The following GRIK4 variants were observed in gnomAD, a reference collection of about 807,000 sequenced individuals.
GRIK4 encodes glutamate ionotropic receptor kainate type subunit 4.
GRIK4 carries 40 observed loss-of-function variants against 104.9 expected under a neutral mutation model. The observed-to-expected ratio is 0.38, with a 90% confidence interval of 0.30 to 0.50. GRIK4 has a LOEUF of 0.50. Ranked by LOEUF, GRIK4 falls within the 20% of genes least tolerant of loss-of-function variation. The probability of loss-of-function intolerance (pLI) is 0.93; values close to 1 mark genes in which losing one functional copy is unlikely to be tolerated. For missense variants in GRIK4, 1,047 were observed against 1,308.1 expected (o/e 0.80, Z 3.08); for synonymous variants, 485 against 524.9 (o/e 0.92, Z 1.04).
At chr11:120,514,294 A>G (rs1286171471) in intron 1 of GRIK4, among the ~76,000 whole-genome samples, 1 of 152,074 alleles carries the variant, frequency 6.6e-6, no homozygotes, top group Non-Finnish European at 1.5e-5. Flanking sequence ...CAGAACAATT[A>G]CTTCATTTGA....
chr11:120,552,385 C>G (rs1174249523), intron 1 of GRIK4, among the ~76,000 whole-genome samples: 6 of 152,132 alleles, frequency 3.9e-5, no homozygotes. Flanking sequence ...AGAGGAAAAA[C>G]AATTTGAGGG....
chr11:120,648,322 C>G (rs1488199279), intron 1 of GRIK4, among the ~76,000 whole-genome samples: 1 of 152,204 alleles, frequency 6.6e-6, no homozygotes, highest in Non-Finnish European at 1.5e-5. Context: ...TGCAGATGCC[C>G]AGGGCAGCCT....
Position 120,938,838 on chromosome 11 carries a change from C to G in GRIK4, c.1477-1509C>G, listed in dbSNP as rs560731208. ...GTATAAGTTAGAATCATCAGGGCAG[C>G]TTTTTACAAATATAGATTCCTGCGT... On this transcript the variant is annotated intron_variant, in intron 13 of 20. Transcript: ENST00000527524. 7.6e-4 allele frequency among the ~76,000 whole-genome samples: 116 copies of G among 152,328 alleles called. 1 individual carries two copies. In the Middle Eastern group the frequency reaches 0.037, roughly 49 times the overall value.
intron 3 of GRIK4, among the ~76,000 whole-genome samples, chr11:120,722,483 C>G (rs192024048): frequency 6.6e-6 from 1 of 152,108 alleles, no homozygotes; most frequent in Non-Finnish European, 1.5e-5. Context: ...TGGAGCATGC[C>G]TGTAATCCCA....
At chr11:120,982,911 G>T (rs991305532) in intron 20 of GRIK4, among the ~76,000 whole-genome samples, 1 of 152,162 alleles carries the variant, frequency 6.6e-6, no homozygotes. Flanking sequence ...AACACCGCCT[G>T]CCAGTCCTGG....
chr11:120,690,258 C>T (rs762719740), intron 3 of GRIK4, among the ~76,000 whole-genome samples: 1 of 152,176 alleles, frequency 6.6e-6, no homozygotes, highest in Non-Finnish European at 1.5e-5. Context: ...AAAAAATGCT[C>T]ACTCCTGAGA....
intron 3 of GRIK4, among the ~76,000 whole-genome samples, chr11:120,668,299 AAAG>A (rs766964509): frequency 4.0e-5 from 6 of 151,806 alleles, no homozygotes; most frequent in East Asian, 3.8e-4. Context: ...GAGAAAGAAA[AAAG>A]AAAAGAAAAG....
At position 120,819,013 on chromosome 11, in the gene GRIK4, T is replaced by A. The variant is rs1953033818; in HGVS notation, c.346-742T>A. On this transcript the variant is annotated intron_variant, in intron 5 of 20. Coordinates refer to ENST00000527524, the MANE Select transcript of GRIK4 (RefSeq NM_014619.5). The surrounding 1 kb of genome is among the most constrained non-coding windows in gnomAD (Gnocchi z 4.3). ...GCCATCACAGCCTCTTAAGATCTTT[T>A]CCTGGGAGAAGAGAGGCAGAAGGCA... 6.6e-6 allele frequency among the ~76,000 whole-genome samples: 1 copy of A among 152,214 alleles called. No individual in the cohort carries two copies. The highest frequency in any genetic ancestry group is 1.5e-5 in the Non-Finnish European group (1 of 68,042).
rs1366158420 is a variant in GRIK4, at chr11:120,524,286, G to A, written c.-159+12399G>A. On this transcript the variant is annotated intron_variant, in intron 1 of 20. Transcript: ENST00000527524. The surrounding 1 kb of genome is among the most constrained non-coding windows in gnomAD (Gnocchi z 4.5). ...TGGGTGCTCAGTATGCGTTTAGTGG[G>A]TGAACGGCTGCTTTGGTGAGCCGCT... Among the ~76,000 whole-genome samples the A allele has an allele frequency of 6.6e-6, 1 of 152,152 alleles. No individual in the cohort carries two copies. The highest frequency in any genetic ancestry group is 1.5e-5 in the Non-Finnish European group (1 of 68,036).
At chr11:120,533,608 T>A (rs1947943431) in intron 1 of GRIK4, among the ~76,000 whole-genome samples, 4 of 152,222 alleles carry the variant, frequency 2.6e-5, no homozygotes, top group Admixed American at 2.0e-4. Flanking sequence ...CTGGGTGTGG[T>A]GGCTCACACC....
chr11:120,568,232 C>T (rs371800494), intron 1 of GRIK4, among the ~76,000 whole-genome samples: 194 of 152,270 alleles, frequency 1.3e-3, no homozygotes, highest in African/African-American at 4.6e-3. Context: ...AGACTCACAA[C>T]CTCTTAAGGG....
chr11:120,982,891 G>T (rs971705944), intron 20 of GRIK4, among the ~76,000 whole-genome samples: 1 of 152,136 alleles, frequency 6.6e-6, no homozygotes, highest in Non-Finnish European at 1.5e-5. Context: ...CTCACATGGG[G>T]CCTTAACACA....
intron 2 of GRIK4, among the ~76,000 whole-genome samples, chr11:120,654,053 C>T (rs1949661691): frequency 6.6e-6 from 1 of 152,190 alleles, no homozygotes; most frequent in South Asian, 2.1e-4. Flanking sequence ...GAATGAGGCC[C>T]AGCTCTGTCT....
In GRIK4 at chr11:120,860,323, G is replaced by A. The variant is rs116216408; in HGVS notation, c.745-1636G>A. On this transcript the variant is annotated intron_variant, in intron 8 of 20. Transcript: ENST00000527524. Reference sequence around the variant, plus strand: ...AATCTACACCCTCTTGACTGGTTTCGCTGTACAGGGCCCAGGGAGACCTTG... The same window carrying A: ...AATCTACACCCTCTTGACTGGTTTCACTGTACAGGGCCCAGGGAGACCTTG... Among the ~76,000 whole-genome samples the A allele has an allele frequency of 3.9e-3, 587 of 152,282 alleles. 6 individuals are homozygous for A. Among genetic ancestry groups the A allele is most frequent in the African/African-American group, 0.013 (550 of 41,568 alleles).
intron 1 of GRIK4, among the ~76,000 whole-genome samples, chr11:120,572,408 C>T (rs921023892): frequency 2.0e-5 from 3 of 152,198 alleles, no homozygotes; most frequent in Non-Finnish European, 4.4e-5. Context: ...TAGAGCGTTG[C>T]GGAGAAGATC....
At chr11:120,668,922 G>A (rs948200617) in intron 3 of GRIK4, among the ~76,000 whole-genome samples, 4 of 152,184 alleles carry the variant, frequency 2.6e-5, no homozygotes, top group African/African-American at 9.7e-5. Context: ...GAAGCACTTA[G>A]GATGGTGTCA....
chr11:120,940,881 G>C lies in GRIK4; in HGVS notation c.1590+421G>C, dbSNP rs1438617852. ...AGGGAATGTAGATTCCTTCTCTCTC[G>C]ATGATCTGTCCTGGAGAATAAATGG... On this transcript the variant is annotated intron_variant, in intron 14 of 20. Coordinates refer to ENST00000527524, the MANE Select transcript of GRIK4 (RefSeq NM_014619.5). This position sits in a 1 kb window ranked among gnomAD's most constrained non-coding sequence, Gnocchi z 4.3. 2.0e-5 allele frequency among the ~76,000 whole-genome samples: 3 copies of C among 152,188 alleles called. No homozygotes were observed. Among genetic ancestry groups the C allele is most frequent in the Non-Finnish European group, 4.4e-5 (3 of 68,032 alleles).
At position 120,638,745 on chromosome 11, in the gene GRIK4, G is replaced by A. The variant is rs113190969; in HGVS notation, c.-158-14940G>A. 9.7e-3 allele frequency among the ~76,000 whole-genome samples: 1,469 copies of A among 151,990 alleles called. 7 individuals carry two copies. Among genetic ancestry groups the A allele is most frequent in the Non-Finnish European group, 0.015 (1,030 of 67,940 alleles). On this transcript the variant is annotated intron_variant, in intron 1 of 20. Coordinates refer to ENST00000527524, the MANE Select transcript of GRIK4 (RefSeq NM_014619.5). Reference sequence around the variant, plus strand: ...GCCCGTCTCGGCCTCCCAAAGTGCTGGGATTACAGGCGTGAGCCACCGCGC... The same window carrying A: ...GCCCGTCTCGGCCTCCCAAAGTGCTAGGATTACAGGCGTGAGCCACCGCGC...
chr11:120,861,711 T>C (rs1954267436), intron 8 of GRIK4, among the ~76,000 whole-genome samples: 1 of 152,178 alleles, frequency 6.6e-6, no homozygotes, highest in Admixed American at 6.5e-5. Flanking sequence ...TTTCTCTCTC[T>C]AGCTAGTGCA....
Sources: allele counts gnomAD v4.1 joint callset (sites outside exome capture counted in the v4.1 genomes callset), GRCh38; gene constraint gnomAD v4.1.1; non-coding constraint Gnocchi (gnomAD v3.1); transcripts MANE v1.5; gene names NCBI Gene and HGNC (gene_info 2026-07-23, HGNC 2026-07-21).